STK11IP: variants seen among roughly 807,000 people sequenced by gnomAD.
The protein encoded by STK11IP is serine/threonine kinase 11 interacting protein, also known as serine/threonine-protein kinase 11-interacting protein.
A neutral mutation model predicts 131.7 loss-of-function variants in STK11IP; 103 were observed. The observed-to-expected ratio is 0.78, with a 90% CI of 0.67 to 0.92. STK11IP has a LOEUF of 0.92. Ranked by LOEUF, STK11IP falls within the 40% of genes least tolerant of loss-of-function variation. STK11IP has a pLI of 0.00. For missense variants in STK11IP, 1,315 were observed against 1,385.7 expected, an observed-to-expected ratio of 0.95 and a Z score of 0.81; for synonymous variants, 557 against 575.6, an observed-to-expected ratio of 0.97 and a Z score of 0.46.
chr2:219,606,632 C>G, intron 11 of STK11IP, 80 bp from the exon 12 acceptor site: 1 of 1,597,050 alleles, frequency 6.3e-7, no homozygotes, highest in Non-Finnish European at 8.6e-7. Flanking sequence ...AAAGTAGGGT[C>G]CCGCCTTTTG....
At chr2:219,599,108 A>T (rs1481558291) in intron 2 of STK11IP, among the ~76,000 whole-genome samples, 1 of 151,868 alleles carries the variant, frequency 6.6e-6, no homozygotes. Flanking sequence ...CTTTTTTTTG[A>T]GACAGAGTCT....
chr2:219,601,154 AT>A (rs1697969444), intron 2 of STK11IP, 80 bp from the exon 3 acceptor site: 11 of 1,121,730 alleles, frequency 9.8e-6, no homozygotes, highest in Non-Finnish European at 1.3e-5. Context: ...GAGTGGGTAT[AT>A]TTTGGCATCA....
chr2:219,608,261 C>T lies in STK11IP; in HGVS notation c.1434C>T (p.Gly478=), dbSNP rs770385324. 13 of 1,613,300 alleles carry T rather than the reference C, an allele frequency of 8.1e-6. No homozygotes were observed. The South Asian group carries it at 1.2e-4, about 15-fold the overall frequency. The change falls in exon 14 of 25, where the codon GGC becomes GGT. Residue 478 remains glycine, a synonymous_variant. Transcript: ENST00000456909. ...CACCCCCGCAGGAGGAAGCCAGAGG[C>T]CCCCAGGAGTCACCACAGAAAATGT... ...RPSPPQEEAR[G]PQESPQKMSE...
At chr2:219,611,866 T>G in intron 18 of STK11IP, 32 bp downstream of exon 18, 1 of 1,591,284 alleles carries the variant, frequency 6.3e-7, no homozygotes, top group Non-Finnish European at 8.6e-7. Flanking sequence ...CATAGATGAG[T>G]TTGGGGAAGG....
intron 9 of STK11IP, 57 bp from the exon 10 acceptor site, chr2:219,606,138 C>G: frequency 6.5e-7 from 1 of 1,542,662 alleles, no homozygotes; most frequent in Non-Finnish European, 8.8e-7. Context: ...GTGCCTTCTT[C>G]ACACAGGGAG....
In STK11IP at chr2:219,602,779, G is replaced by A. The variant is rs1296901937; in HGVS notation, c.618+3G>A. The A allele has an allele frequency of 6.2e-7, 1 of 1,610,272 alleles. No individual in the cohort carries two copies. The highest frequency in any genetic ancestry group is 8.5e-7 in the Non-Finnish European group (1 of 1,178,160). On this transcript the variant is annotated splice_donor_region_variant and intron_variant, in intron 7 of 24. Coordinates refer to ENST00000456909, the MANE Select transcript of STK11IP (RefSeq NM_052902.4). ...AGGACTGTCAGGGATTCCTGATGGT[G>A]AGTATGGGCAGTTTGGCAGCTGGCA... is the stretch of plus-strand genomic sequence containing the variant.
At position 219,601,280 on chromosome 2, in the gene STK11IP, C is replaced by A. The variant is rs1309369949; in HGVS notation, c.107C>A (p.Pro36His). The A allele has an allele frequency of 3.7e-6, 6 of 1,614,038 alleles. No individual in the cohort carries two copies. The highest frequency in any genetic ancestry group is 4.2e-6 in the Non-Finnish European group (5 of 1,179,904). Residue 36 changes from proline (P) to histidine (H), a missense_variant, in exon 3 of 25, where the codon CCC becomes CAC. Pro to His is a moderately conservative substitution (Grantham distance 77). Coordinates refer to ENST00000456909, the MANE Select transcript of STK11IP (RefSeq NM_052902.4). ...SGCSTLSLLT[P>H]TLQQLNHVFE... ...TGTAGCACCCTGAGCCTGCTGACTC[C>A]CACACTGCAACAGCTGAACCACGTA... is the stretch of plus-strand genomic sequence containing the variant.
At chr2:219,613,013 G>A in intron 19 of STK11IP, 115 bp from the exon 20 acceptor site, 1 of 704,684 alleles carries the variant, frequency 1.4e-6, no homozygotes, top group Non-Finnish European at 2.5e-6. Flanking sequence ...TAGACTGGTG[G>A]GTGGGCAGTG....
chr2:219,598,750 T>C (rs1697882654), intron 2 of STK11IP, among the ~76,000 whole-genome samples: 1 of 152,252 alleles, frequency 6.6e-6, no homozygotes, highest in Non-Finnish European at 1.5e-5. Context: ...ATTTCCCTGA[T>C]GCTTGGCACT....
chr2:219,603,606 A>C (rs12472386), intron 7 of STK11IP, among the ~76,000 whole-genome samples: 13,787 of 151,322 alleles, frequency 0.091, 2,081 homozygotes, highest in African/African-American at 0.31. Context: ...CTGCAAACTC[A>C]ACCTCCTGGG....
In STK11IP at chr2:219,616,235, T is replaced by G. The variant is rs1443035077; in HGVS notation, c.*42T>G. 1 of 1,586,678 alleles carries G rather than the reference T, an allele frequency of 6.3e-7. No individual in the cohort carries two copies. The highest frequency in any genetic ancestry group is 8.6e-7 in the Non-Finnish European group (1 of 1,165,074). On this transcript the variant is annotated 3_prime_UTR_variant, in exon 25 of 25. Transcript: ENST00000456909. ...TTGGCCCTGACCTCAGGAGCCACGCTGTAGACATTCCCTCTCCTGGTCTCT... is the reference window on the plus strand; with the variant it reads ...TTGGCCCTGACCTCAGGAGCCACGCGGTAGACATTCCCTCTCCTGGTCTCT...
rs758569750 is a variant in STK11IP, at chr2:219,614,532, C to T, written c.2855C>T (p.Ala952Val). 59 of 1,613,684 alleles carry T rather than the reference C, an allele frequency of 3.7e-5. No individual in the cohort carries two copies. The highest frequency in any genetic ancestry group is 4.4e-5 in the South Asian group (4 of 91,084). Reference protein sequence around the residue: ...LEARQFFYLRAFLVEGPSTCL... With the variant: ...LEARQFFYLRVFLVEGPSTCL... ...GCTCGCCAGTTCTTCTACCTTCGGG[C>T]GTTCCTGGTTGAAGGTGAAGCCTCT... Residue 952 changes from alanine (A) to valine (V), a missense_variant, in exon 23 of 25, where the codon GCG becomes GTG. Physicochemically the swap from Ala to Val is moderately conservative, Grantham distance 64. Transcript: ENST00000456909.
intron 2 of STK11IP, among the ~76,000 whole-genome samples, chr2:219,599,491 C>A (rs1165333959): frequency 6.6e-6 from 1 of 152,190 alleles, no homozygotes; most frequent in Non-Finnish European, 1.5e-5. Context: ...TGGGAAGAGT[C>A]CTTGAACCAT....
intron 17 of STK11IP, 92 bp from the exon 18 acceptor site, chr2:219,611,512 G>A: frequency 9.0e-7 from 1 of 1,108,004 alleles, no homozygotes; most frequent in Non-Finnish European, 1.4e-6. Context: ...GCTCAGGGGA[G>A]ACCTGAGCAT....
intron 7 of STK11IP, among the ~76,000 whole-genome samples, chr2:219,604,214 T>C (rs993191655): frequency 6.6e-6 from 1 of 152,174 alleles, no homozygotes; most frequent in Non-Finnish European, 1.5e-5. Flanking sequence ...ATTAGAACTT[T>C]GCTGTTTTTG....
chr2:219,598,295 CAG>C, intron 2 of STK11IP, 115 bp downstream of exon 2: 1 of 730,356 alleles, frequency 1.4e-6, no homozygotes. Flanking sequence ...CACCAGGTGT[CAG>C]AGTTCAATTT....
At position 219,606,704 on chromosome 2, in the gene STK11IP, C is replaced by T. The variant is rs370352707; in HGVS notation, c.988-8C>T. Reference sequence around the variant, plus strand: ...AACCTCTCTCTCCTTCCTGTCGTCACGTGCCAGACTCACACATCCTTGGGG... The same window carrying T: ...AACCTCTCTCTCCTTCCTGTCGTCATGTGCCAGACTCACACATCCTTGGGG... On this transcript the variant is annotated splice_region_variant and splice_polypyrimidine_tract_variant and intron_variant, in intron 11 of 24. Coordinates refer to ENST00000456909, the MANE Select transcript of STK11IP (RefSeq NM_052902.4). The T allele has an allele frequency of 3.1e-6, 5 of 1,604,138 alleles. No homozygotes were observed. Among genetic ancestry groups the T allele is most frequent in the East Asian group, 2.2e-5 (1 of 44,708 alleles).
In STK11IP at chr2:219,616,296, C is replaced by T; in HGVS notation, c.*103C>T. On this transcript the variant is annotated 3_prime_UTR_variant, in exon 25 of 25. Transcript: ENST00000456909. ...TCCAGGCTCTGGCTGTGGATGTCTT[C>T]AGCCTCTGGGTGCTGGCCAGTGAGG... The T allele has an allele frequency of 6.9e-7, 1 of 1,442,468 alleles. No homozygotes were observed. The highest frequency in any genetic ancestry group is 2.5e-5 in the East Asian group (1 of 40,692). 89.4% of individuals were successfully genotyped at this position (1,442,468 alleles called of 1,614,324 possible).
At position 219,608,691 on chromosome 2, in the gene STK11IP, T is replaced by TC; in HGVS notation, c.1714dup (p.Gln572ProfsTer18). The stretch of plus-strand genomic sequence containing the variant: ...TCTGCCCACCTGTTTGAGGTGGAAC[T>TC]CCAAGCAGCTCGCACCTTGGAGCGA... On this transcript the variant is annotated frameshift_variant, in exon 15 of 25. Transcript: ENST00000456909. LOFTEE classifies it high-confidence loss of function. 1 of 1,613,624 alleles carries TC rather than the reference T, an allele frequency of 6.2e-7. No homozygotes were observed. Among genetic ancestry groups the TC allele is most frequent in the Non-Finnish European group, 8.5e-7 (1 of 1,179,832 alleles).
Sources: gnomAD v4.1 joint callset for allele counts (sites outside exome capture counted in the v4.1 genomes callset) on GRCh38, gnomAD v4.1.1 for gene constraint, MANE v1.5 for transcripts, NCBI Gene and HGNC (gene_info 2026-07-23, HGNC 2026-07-21) for gene names.